LIFR: variants seen among roughly 807,000 people sequenced by gnomAD.
LIFR encodes the protein LIF receptor subunit alpha.
In LIFR, 84 loss-of-function variants were observed where a neutral mutation model predicts 122.2. The observed-to-expected ratio is 0.69, with a 90% confidence interval of 0.58 to 0.82. The LOEUF is 0.82. Among genes scored for constraint, LIFR ranks in the 40% least tolerant of loss-of-function variants. The pLI, the probability that LIFR is intolerant of heterozygous loss-of-function variation, is 0.00. For synonymous variants in LIFR, 422 were observed against 434.7 expected (o/e 0.97, Z 0.36); for missense variants, 1,294 against 1,311.6 (o/e 0.99, Z 0.21).
intron 18 of LIFR, among the ~76,000 whole-genome samples, 188 bp from the exon 19 acceptor site, chr5:38,482,855 T>C (rs1744069593): frequency 6.6e-6 from 1 of 152,148 alleles, no homozygotes; most frequent in Admixed American, 6.5e-5. Flanking sequence ...GGTTCCAACT[T>C]GAAAACCATA....
At chr5:38,571,621 G>GATGAC (rs1749216917) in intron 1 of LIFR, among the ~76,000 whole-genome samples, 2 of 149,282 alleles carry the variant, frequency 1.3e-5, no homozygotes, top group African/African-American at 4.9e-5. Context: ...GAAGAAAAAA[G>GATGAC]ATGACATGAC....
chr5:38,526,553 C>T (rs762587472), intron 4 of LIFR, among the ~76,000 whole-genome samples: 7 of 151,980 alleles, frequency 4.6e-5, no homozygotes, highest in Non-Finnish European at 1.0e-4. Context: ...TCAAGAGATC[C>T]AGATCCTCTA....
intron 18 of LIFR, among the ~76,000 whole-genome samples, chr5:38,483,576 C>T (rs58462452): frequency 0.017 from 2,628 of 152,062 alleles, 66 homozygotes; most frequent in African/African-American, 0.061. Context: ...ATTACAGGCA[C>T]GTGCCACTAT....
chr5:38,483,608 T>A (rs1219426702), intron 18 of LIFR, among the ~76,000 whole-genome samples: 1 of 152,084 alleles, frequency 6.6e-6, no homozygotes, highest in African/African-American at 2.4e-5. Context: ...TTTTTGTATT[T>A]TTAGTAGAGA....
intron 14 of LIFR, among the ~76,000 whole-genome samples, chr5:38,492,341 TGG>T (rs1409606856): frequency 1.3e-5 from 2 of 152,170 alleles, no homozygotes; most frequent in African/African-American, 4.8e-5. Flanking sequence ...AAAACTTAAA[TGG>T]GTAGATACTC....
chr5:38,560,305 T>C (rs959891210), upstream of LIFR, among the ~76,000 whole-genome samples: 4 of 152,244 alleles, frequency 2.6e-5, no homozygotes, highest in Non-Finnish European at 4.4e-5. Context: ...AGCACAGTGT[T>C]GGACAAGATT....
At chr5:38,594,368 T>C (rs1750028668) in intron 1 of LIFR, among the ~76,000 whole-genome samples, 1 of 152,154 alleles carries the variant, frequency 6.6e-6, no homozygotes, top group South Asian at 2.1e-4. Flanking sequence ...GGTGCATATA[T>C]GTCATCACAC....
chr5:38,513,609 C>T (rs1745920563), intron 5 of LIFR, among the ~76,000 whole-genome samples: 1 of 152,222 alleles, frequency 6.6e-6, no homozygotes, highest in Non-Finnish European at 1.5e-5. Context: ...CTCTGCTCAG[C>T]TCCCAGGATA....
chr5:38,546,237 T>G (rs896569337), intron 1 of LIFR, among the ~76,000 whole-genome samples: 2 of 152,076 alleles, frequency 1.3e-5, no homozygotes, highest in Non-Finnish European at 2.9e-5. Flanking sequence ...TTTAGCAACA[T>G]GAAGAAACAT....
Position 38,481,421 on chromosome 5 carries a change from G to A in LIFR, c.*174C>T. 1.4e-6 allele frequency: 1 copy of A among 707,242 alleles called. No individual in the cohort carries two copies. The highest frequency in any genetic ancestry group is 1.8e-5 in the South Asian group (1 of 56,500). The allele number at this position is 707,242 out of a possible 1,614,324, so 43.8% of individuals were successfully genotyped here. A position where few individuals can be genotyped will look rare whatever the true frequency, so the allele number is the denominator to read the frequency against. ...GAGGATTCTGAGTCACTATACTTTG[G>A]CTTTTAGACTACATTAAAAGCACAT... is the stretch of plus-strand genomic sequence containing the variant. On this transcript the variant is annotated 3_prime_UTR_variant, in exon 20 of 20. Transcript: ENST00000453190.
intron 14 of LIFR, among the ~76,000 whole-genome samples, chr5:38,491,992 T>G (rs2112408490): frequency 6.6e-6 from 1 of 152,232 alleles, no homozygotes; most frequent in Non-Finnish European, 1.5e-5. Context: ...GTTAGAGCAT[T>G]AGGAATGTGC....
At chr5:38,512,180 A>T (rs1056891995) in intron 5 of LIFR, among the ~76,000 whole-genome samples, 15 of 152,190 alleles carry the variant, frequency 9.9e-5, no homozygotes, top group African/African-American at 3.4e-4. Flanking sequence ...AATGTATTAT[A>T]TAAGATGTTG....
chr5:38,504,325 A>G (rs986589111), intron 9 of LIFR, among the ~76,000 whole-genome samples: 2 of 150,476 alleles, frequency 1.3e-5, no homozygotes, highest in African/African-American at 4.9e-5. Flanking sequence ...ATCATGCTCA[A>G]AGCTCTTAAA....
intron 16 of LIFR, among the ~76,000 whole-genome samples, chr5:38,487,266 G>A (rs1744336899): frequency 6.6e-6 from 1 of 152,214 alleles, no homozygotes; most frequent in South Asian, 2.1e-4. Context: ...GAAAGTAAAT[G>A]TTTGCAGCCT....
At position 38,530,383 on chromosome 5, in the gene LIFR, CA is replaced by C. The variant is rs11293177; in HGVS notation, c.142+122del. Reference sequence around the variant, plus strand: ...CTAAAAGTACATAGAAAAAAGATGACAAAAAAAATGAATTTTAACCAACAAA... The same window carrying C: ...CTAAAAGTACATAGAAAAAAGATGACAAAAAAATGAATTTTAACCAACAAA... On this transcript the variant is annotated intron_variant, in intron 2 of 19. Coordinates refer to ENST00000453190, the MANE Select transcript of LIFR (RefSeq NM_001127671.2). The C allele has an allele frequency of 0.82, 647,862 of 790,456 alleles. 266,989 individuals carry two copies. The highest frequency in any genetic ancestry group is 0.98 in the East Asian group (39,235 of 39,964). 49.0% of individuals were successfully genotyped at this position (790,456 alleles called of 1,614,324 possible).
intron 1 of LIFR, among the ~76,000 whole-genome samples, chr5:38,593,791 C>T (rs918624927): frequency 1.5e-4 from 23 of 152,250 alleles, no homozygotes; most frequent in African/African-American, 5.5e-4. Flanking sequence ...GCTCCCTTGT[C>T]CCTTTTGCTA....
chr5:38,556,799 C>G (rs1748597135), upstream of LIFR: 1 of 148,938 alleles, frequency 6.7e-6, no homozygotes, highest in East Asian at 2.0e-4. Context: ...CGCGGGTGCT[C>G]CAAGGAGTCG....
At chr5:38,546,356 T>TAGTTTAAA (rs1490847128) in intron 1 of LIFR, among the ~76,000 whole-genome samples, 11 of 152,210 alleles carry the variant, frequency 7.2e-5, no homozygotes, top group Non-Finnish European at 1.2e-4. Flanking sequence ...TTACCTACCA[T>TAGTTTAAA]AGTTTAAAAC....
At chr5:38,514,153 A>G (rs1343678147) in intron 5 of LIFR, among the ~76,000 whole-genome samples, 1 of 152,176 alleles carries the variant, frequency 6.6e-6, no homozygotes, top group Non-Finnish European at 1.5e-5. Flanking sequence ...CATAGAAAAC[A>G]AGAAAGATAA....
Sources: gnomAD v4.1 joint callset for allele counts (sites outside exome capture counted in the v4.1 genomes callset) on GRCh38, gnomAD v4.1.1 for gene constraint, MANE v1.5 for transcripts, NCBI Gene and HGNC (gene_info 2026-07-23, HGNC 2026-07-21) for gene names.